APTX: variants seen among roughly 807,000 people sequenced by gnomAD.
APTX encodes the protein forkhead-associated domain histidine triad-like protein.
In APTX, 33 loss-of-function variants were observed where a neutral mutation model predicts 42.3. The observed-to-expected ratio is 0.78, with a 90% CI of 0.59 to 1.04. The LOEUF (loss-of-function observed/expected upper bound fraction) is 1.04, where lower values mean the gene tolerates loss of function less well. Among genes scored for constraint, APTX ranks in the 50% least tolerant of loss-of-function variants. The pLI is 0.00. For synonymous variants in APTX, 130 were observed against 146.7 expected (o/e 0.89, Z 0.82); for missense variants, 421 against 415.1 (o/e 1.01, Z -0.12).
intron 7 of APTX, 185 bp from the exon 8 acceptor site, chr9:32,973,837 A>T: frequency 2.7e-6 from 2 of 743,486 alleles, no homozygotes; most frequent in Middle Eastern, 3.5e-4. Flanking sequence ...TATAAATATG[A>T]GCAACCCACC....
intron 6 of APTX, chr9:32,979,601 G>C (rs1280935752): frequency 6.4e-6 from 1 of 155,280 alleles, no homozygotes; most frequent in African/African-American, 2.4e-5. Context: ...GACAACGAAT[G>C]TTATCAGTCC....
chr9:33,024,960 C>G (rs3758275), intron 1 of APTX: 49,801 of 152,262 alleles, frequency 0.33, 8,466 homozygotes, highest in Non-Finnish European at 0.37. Flanking sequence ...CTCGCGGGCC[C>G]AGGCGGCCAC....
chr9:33,001,575 G>C lies in APTX; in HGVS notation c.-13C>G. ...GCTGACGACCGCCTTACCTCCAGAA[G>C]TCGGAGACGGACAAATTCACGTTAC... On this transcript the variant is annotated 5_prime_UTR_variant, in exon 1 of 8. Transcript: ENST00000379817. 6.2e-7 allele frequency: 1 copy of C among 1,613,960 alleles called. No individual in the cohort carries two copies. Among genetic ancestry groups the C allele is most frequent in the Non-Finnish European group, 8.5e-7 (1 of 1,180,038 alleles).
chr9:32,982,472 T>C (rs963607174), intron 6 of APTX, among the ~76,000 whole-genome samples: 2 of 152,244 alleles, frequency 1.3e-5, no homozygotes, highest in African/African-American at 4.8e-5. Context: ...AGGTCTTTGT[T>C]CTTTTTCATA....
chr9:32,990,089 T>C, intron 1 of APTX, 194 bp from the exon 2 acceptor site: 1 of 651,972 alleles, frequency 1.5e-6, no homozygotes, highest in Non-Finnish European at 2.7e-6. Flanking sequence ...TTGTGAAAAT[T>C]AAATGAGATA....
chr9:32,986,178 G>T, intron 4 of APTX, 148 bp from the exon 5 acceptor site: 1 of 816,226 alleles, frequency 1.2e-6, no homozygotes, highest in African/African-American at 1.7e-5. Flanking sequence ...AATTAAACAA[G>T]ATTCACTTGA....
intron 6 of APTX, among the ~76,000 whole-genome samples, chr9:32,975,802 A>C (rs1029898061): frequency 3.3e-5 from 5 of 152,248 alleles, no homozygotes; most frequent in Non-Finnish European, 7.3e-5. Flanking sequence ...TTAGTGGGTC[A>C]ACTCTTCATG....
intron 6 of APTX, chr9:32,980,004 G>A (rs1410025871): frequency 1.3e-5 from 2 of 157,110 alleles, no homozygotes; most frequent in African/African-American, 4.8e-5. Context: ...ACCAAAGAGA[G>A]TCAGAAGTGC....
chr9:33,000,942 G>C (rs1024408383), intron 1 of APTX, among the ~76,000 whole-genome samples: 1 of 149,148 alleles, frequency 6.7e-6, no homozygotes, highest in East Asian at 2.0e-4. Flanking sequence ...CCGCCTCCCG[G>C]GTTCAAGAAC....
At chr9:32,980,618 G>A (rs1033326526) in intron 6 of APTX, among the ~76,000 whole-genome samples, 7 of 152,238 alleles carry the variant, frequency 4.6e-5, no homozygotes, top group Admixed American at 1.3e-4. Flanking sequence ...GGAGGAACAT[G>A]GAGAAACCAG....
chr9:32,972,838 G>A lies in APTX; in HGVS notation c.*660C>T. On this transcript the variant is annotated 3_prime_UTR_variant, in exon 8 of 8. Coordinates refer to ENST00000379817, the MANE Select transcript of APTX (RefSeq NM_001195248.2). The stretch of plus-strand genomic sequence containing the variant: ...GCTCAATCATGACGAACATGTGGCT[G>A]TTTCCTCACAGCCAGGAACCCTCGG... 1 of 454,102 alleles carries A rather than the reference G, an allele frequency of 2.2e-6. No individual in the cohort carries two copies. The highest frequency in any genetic ancestry group is 4.4e-6 in the Non-Finnish European group (1 of 226,794). The allele number at this position is 454,102 out of a possible 1,614,324, so 28.1% of individuals were successfully genotyped here. A position where few individuals can be genotyped will look rare whatever the true frequency, so the allele number is the denominator to read the frequency against.
intron 1 of APTX, among the ~76,000 whole-genome samples, chr9:33,008,928 G>C (rs1342688753): frequency 2.0e-5 from 3 of 152,184 alleles, no homozygotes; most frequent in African/African-American, 7.2e-5. Flanking sequence ...GAGCAGTTCT[G>C]TTCTATACAT....
At chr9:33,016,733 T>G (rs982353442) in intron 1 of APTX, among the ~76,000 whole-genome samples, 1 of 151,108 alleles carries the variant, frequency 6.6e-6, no homozygotes, top group African/African-American at 2.4e-5. Context: ...AAGTACTCAC[T>G]GCTAAGAGGA....
upstream of APTX, among the ~76,000 whole-genome samples, chr9:33,006,442 G>A (rs1456073334): frequency 6.6e-6 from 1 of 152,070 alleles, no homozygotes; most frequent in East Asian, 1.9e-4. Flanking sequence ...CCCCCTGAAA[G>A]CCCTTCTTTC....
Position 32,974,444 on chromosome 9 carries a change from G to C in APTX, c.874+14C>G, listed in dbSNP as rs751303502. ...AAAATGAAACAAATGTGAAAACCAA[G>C]GAACACTGTTTACCTTGTGATTCTA... On this transcript the variant is annotated intron_variant, in intron 7 of 7. Coordinates refer to ENST00000379817, the MANE Select transcript of APTX (RefSeq NM_001195248.2). The C allele has an allele frequency of 1.4e-6, 2 of 1,450,290 alleles. No individual in the cohort carries two copies. Among genetic ancestry groups the C allele is most frequent in the South Asian group, 2.3e-5 (2 of 87,710 alleles). 89.8% of individuals were successfully genotyped at this position (1,450,290 alleles called of 1,614,324 possible). A position where few individuals can be genotyped will look rare whatever the true frequency, so the allele number is the denominator to read the frequency against.
intron 2 of APTX, 72 bp from the exon 3 acceptor site, chr9:32,988,201 GA>G: frequency 1.4e-6 from 2 of 1,403,150 alleles, no homozygotes; most frequent in Non-Finnish European, 2.0e-6. Flanking sequence ...CTTCCCTAAA[GA>G]AAACAAGCTT....
intron 1 of APTX, among the ~76,000 whole-genome samples, chr9:32,999,923 G>A (rs1186531225): frequency 6.6e-6 from 1 of 151,830 alleles, no homozygotes; most frequent in Non-Finnish European, 1.5e-5. Flanking sequence ...TCGCGCCACT[G>A]CACTCCAGCC....
intron 5 of APTX, 83 bp from the exon 6 acceptor site, chr9:32,984,940 T>A: frequency 7.9e-7 from 1 of 1,265,420 alleles, no homozygotes; most frequent in Non-Finnish European, 1.1e-6. Context: ...CTAAGTCACT[T>A]AATTCCCACA....
intron 6 of APTX, chr9:32,980,305 G>T: frequency 6.3e-6 from 1 of 158,214 alleles, no homozygotes. Flanking sequence ...CATGGTCATG[G>T]GAATATTTTT....
Sources: allele counts gnomAD v4.1 joint callset (sites outside exome capture counted in the v4.1 genomes callset), GRCh38; gene constraint gnomAD v4.1.1; transcripts MANE v1.5; gene names NCBI Gene and HGNC (gene_info 2026-07-23, HGNC 2026-07-21).